CHN1: variants seen among roughly 807,000 people sequenced by gnomAD.
The protein encoded by CHN1 is chimerin 1.
In CHN1, 37 loss-of-function variants were observed where a neutral mutation model predicts 59.5. That is an observed-to-expected ratio of 0.62 (90% CI 0.48 to 0.82). CHN1 has a LOEUF of 0.82. Among genes scored for constraint, CHN1 ranks in the 40% least tolerant of loss-of-function variants. The pLI is 0.00. For missense variants in CHN1, 469 were observed against 571.0 expected (o/e 0.82, Z 1.82); for synonymous variants, 206 against 200.4 (o/e 1.03, Z -0.24).
intron 7 of CHN1, among the ~76,000 whole-genome samples, chr2:174,834,705 A>C (rs1042087220): frequency 4.6e-5 from 7 of 152,188 alleles, no homozygotes; most frequent in African/African-American, 1.7e-4. Context: ...GTACCAGTGA[A>C]AAAGGAAAAT....
intron 6 of CHN1, among the ~76,000 whole-genome samples, chr2:174,861,458 C>T (rs1175837250): frequency 6.6e-6 from 1 of 152,186 alleles, no homozygotes; most frequent in Non-Finnish European, 1.5e-5. Context: ...GTAAGCCTCT[C>T]TGAATTCTTC....
intron 5 of CHN1, among the ~76,000 whole-genome samples, chr2:174,881,074 G>A (rs944241132): frequency 6.6e-5 from 10 of 150,992 alleles, no homozygotes; most frequent in Non-Finnish European, 2.9e-5. Context: ...TCCGTCTTCA[G>A]ATTGATCTAT....
At chr2:174,835,841 C>T (rs1686057433) in intron 7 of CHN1, among the ~76,000 whole-genome samples, 1 of 151,512 alleles carries the variant, frequency 6.6e-6, no homozygotes, top group African/African-American at 2.4e-5. Flanking sequence ...TTAACCAATG[C>T]TCCATGTGTT....
chr2:174,931,037 G>A (rs1042227928), intron 3 of CHN1, among the ~76,000 whole-genome samples: 1 of 151,906 alleles, frequency 6.6e-6, no homozygotes, highest in African/African-American at 2.4e-5. Flanking sequence ...CAAAGTGCTG[G>A]GATTATAGGC....
chr2:174,925,134 C>T (rs1348485951), intron 3 of CHN1, among the ~76,000 whole-genome samples: 1 of 152,156 alleles, frequency 6.6e-6, no homozygotes, highest in Non-Finnish European at 1.5e-5. Flanking sequence ...AAATGGACTC[C>T]CTCTTGGCCA....
intron 1 of CHN1, among the ~76,000 whole-genome samples, chr2:174,968,855 C>G (rs940390349): frequency 2.0e-5 from 3 of 152,190 alleles, no homozygotes. Context: ...GGCAGCAAAG[C>G]CTGGTCTGAC....
intron 7 of CHN1, among the ~76,000 whole-genome samples, chr2:174,827,550 C>G (rs1289399389): frequency 6.6e-6 from 1 of 152,098 alleles, no homozygotes; most frequent in African/African-American, 2.4e-5. Flanking sequence ...TTTTCAATGC[C>G]TACAAATTTG....
At chr2:174,819,208 G>A (rs1003716424) in intron 8 of CHN1, among the ~76,000 whole-genome samples, 17 of 152,042 alleles carry the variant, frequency 1.1e-4, no homozygotes, top group African/African-American at 3.4e-4. Context: ...AAGGACAAAC[G>A]CAACTCTTTA....
intron 6 of CHN1, among the ~76,000 whole-genome samples, chr2:174,863,814 A>G (rs985730369): frequency 6.6e-6 from 1 of 152,184 alleles, no homozygotes; most frequent in African/African-American, 2.4e-5. Flanking sequence ...TGTTGATTAT[A>G]CTGAATCAAA....
intron 1 of CHN1, among the ~76,000 whole-genome samples, chr2:174,998,821 C>T (rs577855348): frequency 6.6e-6 from 1 of 152,038 alleles, no homozygotes; most frequent in East Asian, 1.9e-4. Context: ...ATGTAAAAAG[C>T]TCTTAAAGGT....
chr2:174,933,399 A>G (rs1226860022), intron 3 of CHN1, among the ~76,000 whole-genome samples: 1 of 152,190 alleles, frequency 6.6e-6, no homozygotes, highest in Admixed American at 6.5e-5. Context: ...AAAAGAATGT[A>G]GTATCCTGGA....
chr2:174,821,126 A>T (rs1211136745), intron 8 of CHN1, among the ~76,000 whole-genome samples: 1 of 152,208 alleles, frequency 6.6e-6, no homozygotes, highest in Non-Finnish European at 1.5e-5. Context: ...GGCTTGAAAC[A>T]TCAAGCATAT....
intron 8 of CHN1, 54 bp from the exon 9 acceptor site, chr2:174,812,536 C>T: frequency 6.4e-7 from 1 of 1,574,800 alleles, no homozygotes; most frequent in Non-Finnish European, 8.7e-7. Flanking sequence ...GAGTTTTGAG[C>T]ATTCTGGAGT....
rs528573643 is a variant in CHN1 at position 174,967,688 on chromosome 2, A to G, written c.20-15486T>C. On this transcript the variant is annotated intron_variant, in intron 1 of 12. Transcript: ENST00000409900. The stretch of plus-strand genomic sequence containing the variant: ...ACTTTTAGTGGAGATTTTCCTTGTC[A>G]GTTATCTTTCCAACTGTAATTCAGT... Among the ~76,000 whole-genome samples the G allele has an allele frequency of 1.8e-4, 28 of 152,360 alleles. No homozygotes were observed. In the South Asian group the frequency reaches 5.8e-3, roughly 32 times the overall value.
chr2:174,846,477 C>T (rs1191103195), intron 7 of CHN1: 1 of 1,461,966 alleles, frequency 6.8e-7, no homozygotes, highest in African/African-American at 1.4e-5. Context: ...CCAGATGCAA[C>T]AGCACATGCC....
intron 5 of CHN1, among the ~76,000 whole-genome samples, chr2:174,914,155 G>T (rs1476653967): frequency 6.6e-6 from 1 of 152,186 alleles, no homozygotes; most frequent in African/African-American, 2.4e-5. Flanking sequence ...TAAAATGGGG[G>T]TAATAACAAT....
intron 7 of CHN1, among the ~76,000 whole-genome samples, chr2:174,846,638 C>A (rs905200112): frequency 6.6e-6 from 1 of 152,142 alleles, no homozygotes; most frequent in Non-Finnish European, 1.5e-5. Context: ...AAGACTTTTA[C>A]CAGTGAGTAC....
chr2:174,967,274 C>T (rs1008509548), intron 1 of CHN1, among the ~76,000 whole-genome samples: 1 of 151,918 alleles, frequency 6.6e-6, no homozygotes, highest in Non-Finnish European at 1.5e-5. Flanking sequence ...GAGGATTGCT[C>T]GAGCCAGGAA....
At chr2:174,888,702 C>A (rs565970904) in intron 5 of CHN1, among the ~76,000 whole-genome samples, 1 of 152,294 alleles carries the variant, frequency 6.6e-6, no homozygotes, top group East Asian at 1.9e-4. Context: ...AGCTGCACAG[C>A]TAAGCTCTTC....
Sources: allele counts gnomAD v4.1 joint callset (sites outside exome capture counted in the v4.1 genomes callset), GRCh38; gene constraint gnomAD v4.1.1; transcripts MANE v1.5; gene names NCBI Gene and HGNC (gene_info 2026-07-23, HGNC 2026-07-21).